Variants in PJA2 observed in about 807,000 individuals in gnomAD.
PJA2 encodes the protein praja ring finger ubiquitin ligase 2.
In PJA2, 25 loss-of-function variants were observed where a neutral mutation model predicts 69.3. The observed-to-expected ratio is 0.36, with a 90% CI of 0.26 to 0.50. The LOEUF is 0.50. PJA2 is among the 20% of genes least tolerant of loss of function. The probability of loss-of-function intolerance (pLI) is 0.96; values close to 1 mark genes in which losing one functional copy is unlikely to be tolerated. For synonymous variants in PJA2, 308 were observed against 277.8 expected, an observed-to-expected ratio of 1.11 and a Z score of -1.08; for missense variants, 809 against 830.2, an observed-to-expected ratio of 0.97 and a Z score of 0.31.
At chr5:109,403,497 C>G (rs760548927) in intron 1 of PJA2, among the ~76,000 whole-genome samples, 19 of 151,138 alleles carry the variant, frequency 1.3e-4, no homozygotes, top group Non-Finnish European at 8.8e-5. Flanking sequence ...ATATAAGAAA[C>G]ACTTTGCAAC....
Position 109,345,356 on chromosome 5 carries a change from CA to C in PJA2, c.1765-538del, listed in dbSNP as rs564326349. On this transcript the variant is annotated intron_variant, in intron 7 of 9. Coordinates refer to ENST00000361189, the MANE Select transcript of PJA2 (RefSeq NM_014819.5). ...GAGCAACAAGAACGAAACTCCATCT[CA>C]AAAAAAAAAAAAAGCAGGTCGTGGT... Among the ~76,000 whole-genome samples the C allele has an allele frequency of 5.2e-3, 607 of 115,698 alleles. 1 individual carries two copies. The highest frequency in any genetic ancestry group is 0.01 in the African/African-American group (315 of 31,108). 75.9% of individuals were successfully genotyped at this position (115,698 alleles called of 152,430 possible).
intron 7 of PJA2, among the ~76,000 whole-genome samples, chr5:109,347,621 C>T (rs1474660776): frequency 1.3e-5 from 2 of 152,194 alleles, no homozygotes; most frequent in African/African-American, 2.4e-5. Context: ...CAGATTTTTG[C>T]CATGTTCCAG....
intron 4 of PJA2, among the ~76,000 whole-genome samples, chr5:109,376,278 T>G (rs1356228985): frequency 8.2e-5 from 12 of 147,144 alleles, no homozygotes; most frequent in African/African-American, 3.0e-4. Context: ...AAAAAAACTA[T>G]CATTGTTCAG....
chr5:109,387,481 G>A (rs1308236911), intron 1 of PJA2, among the ~76,000 whole-genome samples: 3 of 152,188 alleles, frequency 2.0e-5, no homozygotes, highest in Admixed American at 6.6e-5. Flanking sequence ...TTCCTTTGCT[G>A]ATTAGTTGTT....
chr5:109,336,239 T>A lies in PJA2; in HGVS notation c.*992A>T, dbSNP rs1042064004. The A allele has an allele frequency of 1.3e-5, 2 of 152,246 alleles. No homozygotes were observed. Among genetic ancestry groups the A allele is most frequent in the African/African-American group, 4.8e-5 (2 of 41,450 alleles). The allele number at this position is 152,246 out of a possible 1,614,324, so 9.4% of individuals were successfully genotyped here. On this transcript the variant is annotated 3_prime_UTR_variant, in exon 10 of 10. Coordinates refer to ENST00000361189, the MANE Select transcript of PJA2 (RefSeq NM_014819.5). Reference sequence around the variant, plus strand: ...CAAATCACATTTGTAAGTGAACTATTATGTCCATGTTTGCACATACTCGTC... The same window carrying A: ...CAAATCACATTTGTAAGTGAACTATAATGTCCATGTTTGCACATACTCGTC...
rs1761949596 is a variant in PJA2, at chr5:109,336,620, AG to A, written c.*610del. 1 of 152,076 alleles carries A rather than the reference AG, an allele frequency of 6.6e-6. No individual in the cohort carries two copies. The allele number at this position is 152,076 out of a possible 1,614,324, so 9.4% of individuals were successfully genotyped here. The stretch of plus-strand genomic sequence containing the variant: ...GGATTTTACTACCTAACTTTATTTC[AG>A]GGGGAGTTACGTCTACGATTTAAAA... On this transcript the variant is annotated 3_prime_UTR_variant, in exon 10 of 10. Transcript: ENST00000361189.
rs371341696 is a variant in PJA2, at chr5:109,391,083, T to C, written c.-87-7563A>G. On this transcript the variant is annotated intron_variant, in intron 1 of 9. Coordinates refer to ENST00000361189, the MANE Select transcript of PJA2 (RefSeq NM_014819.5). ...TAAGTTGAAAATGCATTAAAGACCCTACTAAACCCATTGTAAAGTTGAAAA... is the reference window on the plus strand; with the variant it reads ...TAAGTTGAAAATGCATTAAAGACCCCACTAAACCCATTGTAAAGTTGAAAA... 1.4e-4 allele frequency among the ~76,000 whole-genome samples: 22 copies of C among 152,244 alleles called. No individual in the cohort carries two copies. The South Asian group carries it at 4.6e-3, about 32-fold the overall frequency.
Position 109,336,480 on chromosome 5 carries a change from T to C in PJA2, c.*751A>G, listed in dbSNP as rs1761943461. The C allele has an allele frequency of 6.6e-6, 1 of 152,102 alleles. No homozygotes were observed. The highest frequency in any genetic ancestry group is 1.5e-5 in the Non-Finnish European group (1 of 68,020). 9.4% of individuals were successfully genotyped at this position (152,102 alleles called of 1,614,324 possible). Reference sequence around the variant, plus strand: ...AGGAGAAACAGGTTGGGTAAGAGGTTAGAAAGAGTTTCATAAGGCCATCTA... The same window carrying C: ...AGGAGAAACAGGTTGGGTAAGAGGTCAGAAAGAGTTTCATAAGGCCATCTA... On this transcript the variant is annotated 3_prime_UTR_variant, in exon 10 of 10. Transcript: ENST00000361189.
chr5:109,345,944 G>A (rs1201652311), intron 7 of PJA2, among the ~76,000 whole-genome samples: 1 of 152,160 alleles, frequency 6.6e-6, no homozygotes, highest in African/African-American at 2.4e-5. Flanking sequence ...GACTAGAATG[G>A]CAGTTGAGAC....
At chr5:109,362,708 G>A (rs2126998629) in intron 6 of PJA2, 132 bp downstream of exon 6, 1 of 863,922 alleles carries the variant, frequency 1.2e-6, no homozygotes, top group Admixed American at 3.2e-5. Flanking sequence ...TTTGAAATGA[G>A]CTTTGAAGAA....
intron 9 of PJA2, among the ~76,000 whole-genome samples, chr5:109,341,950 G>C (rs1762072894): frequency 7.9e-6 from 1 of 126,602 alleles, no homozygotes; most frequent in Non-Finnish European, 1.7e-5. Context: ...GCCCCTACTG[G>C]GAAGTGAGGA....
intron 4 of PJA2, among the ~76,000 whole-genome samples, chr5:109,375,418 G>C (rs530298625): frequency 6.6e-6 from 1 of 152,120 alleles, no homozygotes; most frequent in South Asian, 2.1e-4. Context: ...TGAGGCAGAA[G>C]AATCACTTGA....
chr5:109,340,846 T>C (rs1261603490), intron 9 of PJA2, among the ~76,000 whole-genome samples: 1 of 102,790 alleles, frequency 9.7e-6, no homozygotes, highest in Non-Finnish European at 2.4e-5. Context: ...TTCGCTGTGT[T>C]GGCCGGGCCG....
At chr5:109,390,496 T>C (rs1747258880) in intron 1 of PJA2, 1 of 152,064 alleles carries the variant, frequency 6.6e-6, no homozygotes, top group Non-Finnish European at 1.5e-5. Flanking sequence ...AAATAGAATA[T>C]AGGTAGGTCT....
chr5:109,356,478 A>G (rs944164562), intron 6 of PJA2, among the ~76,000 whole-genome samples: 1 of 152,152 alleles, frequency 6.6e-6, no homozygotes, highest in African/African-American at 2.4e-5. Flanking sequence ...GCTCAACTGG[A>G]AGTATATGTA....
intron 7 of PJA2, 57 bp downstream of exon 7, chr5:109,355,858 C>T: frequency 1.6e-6 from 2 of 1,264,494 alleles, no homozygotes; most frequent in Non-Finnish European, 2.3e-6. Context: ...TCCCTTTAAA[C>T]CTTTATCATT....
At chr5:109,370,258 G>A (rs896131193) in intron 4 of PJA2, among the ~76,000 whole-genome samples, 4 of 152,060 alleles carry the variant, frequency 2.6e-5, no homozygotes, top group Admixed American at 2.6e-4. Context: ...ACGTTCACTA[G>A]ACTTGGAAAA....
At chr5:109,363,079 C>G (rs536266379) in intron 5 of PJA2, 57 bp from the exon 6 acceptor site, 1 of 1,426,890 alleles carries the variant, frequency 7.0e-7, no homozygotes, top group East Asian at 2.3e-5. Flanking sequence ...TACCATAACA[C>G]TGTCTTTAAT....
intron 1 of PJA2, among the ~76,000 whole-genome samples, chr5:109,401,128 AC>A (rs1747536214): frequency 6.6e-6 from 1 of 152,164 alleles, no homozygotes; most frequent in African/African-American, 2.4e-5. Flanking sequence ...CCTGTTAAAT[AC>A]AAAAATTAGC....
Sources: allele counts gnomAD v4.1 joint callset (sites outside exome capture counted in the v4.1 genomes callset), GRCh38; gene constraint gnomAD v4.1.1; transcripts MANE v1.5; gene names NCBI Gene and HGNC (gene_info 2026-07-23, HGNC 2026-07-21).